PFKP: variants seen among roughly 807,000 people sequenced by gnomAD.
PFKP encodes the protein phosphofructokinase, platelet, also known as ATP-dependent 6-phosphofructokinase, platelet type.
PFKP carries 101 observed loss-of-function variants against 94.3 expected under a neutral mutation model. The ratio of observed to expected loss-of-function variants is 1.07; its 90% CI spans 0.91 to 1.26. The LOEUF (loss-of-function observed/expected upper bound fraction) is 1.26. PFKP is among the 50% of genes most tolerant of loss of function. The pLI is 0.00. For missense variants in PFKP, 1,145 were observed against 1,103.3 expected (o/e 1.04, Z -0.53); for synonymous variants, 573 against 432.6 (o/e 1.32, Z -4.03).
chr10:3,100,014 G>T (rs1015781503), intron 3 of PFKP, among the ~76,000 whole-genome samples: 1 of 151,468 alleles, frequency 6.6e-6, no homozygotes, highest in Admixed American at 6.6e-5. Flanking sequence ...ATCTGTGTGT[G>T]GGGTGTGTGT....
At position 3,112,288 on chromosome 10, in the gene PFKP, T is replaced by C. The variant is rs1836318978; in HGVS notation, c.1154+2T>C. The C allele has an allele frequency of 6.2e-7, 1 of 1,611,540 alleles. No individual in the cohort carries two copies. The highest frequency in any genetic ancestry group is 1.3e-5 in the African/African-American group (1 of 74,910). On this transcript the variant is annotated splice_donor_variant, in intron 11 of 21. Coordinates refer to ENST00000381125, the MANE Select transcript of PFKP (RefSeq NM_002627.5). LOFTEE classifies it high-confidence loss of function. Reference sequence around the variant, plus strand: ...AGATGCGGTTCGACTCCGAGGGAGGTGAGGTGCTTTGGAGAAAGCTCTGCC... The same window carrying C: ...AGATGCGGTTCGACTCCGAGGGAGGCGAGGTGCTTTGGAGAAAGCTCTGCC...
rs1836858590 is a variant in PFKP at position 3,116,703 on chromosome 10, A to G, written c.1372-73A>G. The G allele has an allele frequency of 4.5e-6, 5 of 1,104,944 alleles. No individual in the cohort carries two copies. The Admixed American group carries it at 6.7e-5, about 15-fold the overall frequency. The allele number at this position is 1,104,944 out of a possible 1,614,324, so 68.4% of individuals were successfully genotyped here. A position where few individuals can be genotyped will look rare whatever the true frequency, so the allele number is the denominator to read the frequency against. On this transcript the variant is annotated intron_variant, in intron 13 of 21. Coordinates refer to ENST00000381125, the MANE Select transcript of PFKP (RefSeq NM_002627.5). ...ATGCAGCTTGTTGAAAAGTACAGAA[A>G]GCTATTTTTAGCACTTTGCAACTTG...
chr10:3,126,613 G>A (rs1837976371), intron 16 of PFKP, among the ~76,000 whole-genome samples: 1 of 152,246 alleles, frequency 6.6e-6, no homozygotes, highest in African/African-American at 2.4e-5. Context: ...GCTGCCGTGA[G>A]GGATACCAGT....
chr10:3,132,789 C>G (rs78706092), intron 18 of PFKP, among the ~76,000 whole-genome samples: 1 of 152,112 alleles, frequency 6.6e-6, no homozygotes, highest in Non-Finnish European at 1.5e-5. Flanking sequence ...GGATAGTACC[C>G]GCCCCCTGTA....
intron 17 of PFKP, among the ~76,000 whole-genome samples, chr10:3,132,131 G>A (rs1051745779): frequency 2.0e-5 from 3 of 152,198 alleles, no homozygotes; most frequent in African/African-American, 7.2e-5. Flanking sequence ...GGACCCTGTT[G>A]ACTCTGGAAG....
rs533090369 is a variant in PFKP at position 3,108,904 on chromosome 10, G to A, written c.963+111G>A. 2.7e-5 allele frequency: 21 copies of A among 783,870 alleles called. No homozygotes were observed. The East Asian group carries it at 4.5e-4, about 17-fold the overall frequency. 48.6% of individuals were successfully genotyped at this position (783,870 alleles called of 1,614,324 possible). A position where few individuals can be genotyped will look rare whatever the true frequency, so the allele number is the denominator to read the frequency against. On this transcript the variant is annotated intron_variant, in intron 9 of 21. Transcript: ENST00000381125. ...GCTGGCAAGGTGCTCCCCGAGAGAT[G>A]CCCGCGGCCCGGCCCTCATCTTAAC...
chr10:3,118,097 A>C (rs1837012677), intron 14 of PFKP, among the ~76,000 whole-genome samples: 1 of 152,174 alleles, frequency 6.6e-6, no homozygotes, highest in South Asian at 2.1e-4. Flanking sequence ...GAGGGAGAGC[A>C]GGTATGAGCA....
chr10:3,116,626 T>C, intron 13 of PFKP, 150 bp from the exon 14 acceptor site: 1 of 659,558 alleles, frequency 1.5e-6, no homozygotes, highest in African/African-American at 1.8e-5. Flanking sequence ...CCTTGATTCA[T>C]CCGGGCATCG....
chr10:3,093,774 G>C (rs960417635), intron 2 of PFKP, among the ~76,000 whole-genome samples: 4 of 150,564 alleles, frequency 2.7e-5, no homozygotes, highest in African/African-American at 9.8e-5. Context: ...CTCCCGAGCA[G>C]CTGGGACTAC....
intron 1 of PFKP, among the ~76,000 whole-genome samples, chr10:3,077,512 C>T (rs561153468): frequency 6.6e-6 from 1 of 151,984 alleles, no homozygotes; most frequent in East Asian, 1.9e-4. Flanking sequence ...GTGATCCGCC[C>T]ACCTTGGCCT....
intron 2 of PFKP, among the ~76,000 whole-genome samples, chr10:3,092,874 G>A (rs1234146059): frequency 6.6e-6 from 1 of 152,142 alleles, no homozygotes; most frequent in Admixed American, 6.5e-5. Flanking sequence ...TGAGGAAAGG[G>A]GTGTGGGGGA....
At chr10:3,073,947 C>T (rs949632397) in intron 1 of PFKP, among the ~76,000 whole-genome samples, 2 of 152,222 alleles carry the variant, frequency 1.3e-5, no homozygotes, top group South Asian at 2.1e-4. Context: ...AAGCGATTTT[C>T]CTGTCCCAGC....
intron 1 of PFKP, among the ~76,000 whole-genome samples, chr10:3,080,292 T>G (rs1205078530): frequency 6.6e-6 from 1 of 151,982 alleles, no homozygotes; most frequent in Non-Finnish European, 1.5e-5. Context: ...CTGAGGCGGA[T>G]GGATCACAAG....
At chr10:3,115,450 G>A (rs377367823) in intron 13 of PFKP, among the ~76,000 whole-genome samples, 595 of 18,940 alleles carry the variant, frequency 0.031, 72 homozygotes, top group African/African-American at 0.04. Flanking sequence ...GGGATGCCGG[G>A]GTGAAGGTGT....
Position 3,075,225 on chromosome 10 carries a change from C to T in PFKP, c.113-7163C>T, listed in dbSNP as rs116343479. Among the ~76,000 whole-genome samples, 1,390 of 152,166 alleles carry T rather than the reference C, an allele frequency of 9.1e-3. 20 individuals are homozygous for T. Among genetic ancestry groups the T allele is most frequent in the African/African-American group, 0.032 (1,344 of 41,486 alleles). On this transcript the variant is annotated intron_variant, in intron 1 of 21. Coordinates refer to ENST00000381125, the MANE Select transcript of PFKP (RefSeq NM_002627.5). ...TAAACCCACAACCTTCCAGCCTGGG[C>T]GTTAGGGCCGTTATGAACGTGTCAC...
At chr10:3,074,218 A>G (rs1449194133) in intron 1 of PFKP, among the ~76,000 whole-genome samples, 1 of 152,144 alleles carries the variant, frequency 6.6e-6, no homozygotes, top group African/African-American at 2.4e-5. Flanking sequence ...TGGCAAAAGA[A>G]CCAGGCCCTT....
chr10:3,086,560 C>T (rs1394438460), intron 2 of PFKP, among the ~76,000 whole-genome samples: 1 of 152,104 alleles, frequency 6.6e-6, no homozygotes, highest in East Asian at 1.9e-4. Flanking sequence ...GTGATGCTAC[C>T]GCACATCCTA....
At chr10:3,107,580 C>T (rs752912528) in intron 8 of PFKP, among the ~76,000 whole-genome samples, 4 of 152,200 alleles carry the variant, frequency 2.6e-5, no homozygotes, top group Non-Finnish European at 4.4e-5. Flanking sequence ...AGTGGCCACG[C>T]GTGTTCTTTG....
chr10:3,104,790 T>TGTAG, intron 5 of PFKP: 1 of 416,002 alleles, frequency 2.4e-6, no homozygotes, highest in East Asian at 5.2e-5. Flanking sequence ...ATAGAGAAGG[T>TGTAG]ATCTGGGAAA....
Sources: gnomAD v4.1 joint callset for allele counts (sites outside exome capture counted in the v4.1 genomes callset) on GRCh38, gnomAD v4.1.1 for gene constraint, MANE v1.5 for transcripts, NCBI Gene and HGNC (gene_info 2026-07-23, HGNC 2026-07-21) for gene names.